IDH1: variants seen among roughly 807,000 people sequenced by gnomAD.
IDH1 encodes the protein isocitrate dehydrogenase (NADP(+)) 1.
Under a neutral mutation model 46.1 loss-of-function variants are expected in IDH1, and 33 were observed. That is an observed-to-expected ratio of 0.72 (90% CI 0.54 to 0.96). The LOEUF is 0.96. Among genes scored for constraint, IDH1 ranks in the 40% least tolerant of loss-of-function variants. The pLI is 0.00. For missense variants in IDH1, 421 were observed against 515.7 expected (o/e 0.82, Z 1.78); for synonymous variants, 144 against 172.8 (o/e 0.83, Z 1.31).
intron 6 of IDH1, among the ~76,000 whole-genome samples, chr2:208,242,402 T>A (rs1467814674): frequency 6.6e-6 from 1 of 152,242 alleles, no homozygotes; most frequent in African/African-American, 2.4e-5. Flanking sequence ...AGTGAGACAG[T>A]AGAGTATCCC....
chr2:208,250,292 CT>C (rs1688098872), intron 3 of IDH1, among the ~76,000 whole-genome samples: 1 of 74,208 alleles, frequency 1.3e-5, no homozygotes, highest in South Asian at 8.8e-4. Context: ...ACAGGAGTTC[CT>C]AAGATGCTTT....
At chr2:208,254,234 C>T (rs902670400) in intron 1 of IDH1, 1 of 152,468 alleles carries the variant, frequency 6.6e-6, no homozygotes, top group African/African-American at 2.4e-5. Context: ...GGCCTGCACC[C>T]GTCCTTATGG....
chr2:208,244,188 A>G (rs751972360), intron 5 of IDH1, among the ~76,000 whole-genome samples: 13 of 152,130 alleles, frequency 8.5e-5, no homozygotes, highest in Non-Finnish European at 1.5e-4. Context: ...TTGCCATGTG[A>G]TACACCTATT....
At chr2:208,250,379 C>CATGATTTCTAT (rs1688100802) in intron 3 of IDH1, among the ~76,000 whole-genome samples, 1 of 151,360 alleles carries the variant, frequency 6.6e-6, no homozygotes, top group Admixed American at 6.6e-5. Context: ...GTATTTATAT[C>CATGATTTCTAT]TTATCATGAT....
At chr2:208,246,612 C>T (rs1268813617) in intron 4 of IDH1, among the ~76,000 whole-genome samples, 1 of 128,508 alleles carries the variant, frequency 7.8e-6, no homozygotes, top group Non-Finnish European at 1.6e-5. Flanking sequence ...GCCATTTTTA[C>T]AAATGACTGA....
chr2:208,240,966 C>G (rs1326096892), intron 7 of IDH1, among the ~76,000 whole-genome samples: 1 of 152,098 alleles, frequency 6.6e-6, no homozygotes, highest in Non-Finnish European at 1.5e-5. Context: ...TGATAAGAGA[C>G]AGAAAAAGTA....
At chr2:208,248,700 A>G in intron 3 of IDH1, 40 bp from the exon 4 acceptor site, 5 of 1,566,094 alleles carry the variant, frequency 3.2e-6, no homozygotes, top group African/African-American at 1.3e-5. Flanking sequence ...TTTCAGACAA[A>G]TGGATAGTTA....
rs1422940570 is a variant in IDH1, at chr2:208,251,402, T to G, written c.122+28A>C. Reference sequence around the variant, plus strand: ...CCCAGCCAGATTATCCTTTCTGAGTTTGCTACACGGAGGGGTAACTCATTT... The same window carrying G: ...CCCAGCCAGATTATCCTTTCTGAGTGTGCTACACGGAGGGGTAACTCATTT... On this transcript the variant is annotated intron_variant, in intron 3 of 9. Coordinates refer to ENST00000345146, the MANE Select transcript of IDH1 (RefSeq NM_005896.4). 3 of 1,611,436 alleles carry G rather than the reference T, an allele frequency of 1.9e-6. No homozygotes were observed. The South Asian group carries it at 3.3e-5, about 18-fold the overall frequency.
At chr2:208,240,997 A>G (rs1056887993) in intron 7 of IDH1, among the ~76,000 whole-genome samples, 2 of 152,226 alleles carry the variant, frequency 1.3e-5, no homozygotes, top group Non-Finnish European at 2.9e-5. Context: ...GGAAAAACAA[A>G]CATAATTAAA....
Position 208,243,544 on chromosome 2 carries a change from T to C in IDH1, c.581A>G (p.His194Arg). 6.2e-7 allele frequency: 1 copy of C among 1,614,026 alleles called. No homozygotes were observed. Among genetic ancestry groups the C allele is most frequent in the Non-Finnish European group, 8.5e-7 (1 of 1,179,872 alleles). ...NQDKSIEDFA[H>R]SSFQMALSKG... Reference sequence around the variant, plus strand: ...AGACAGAGCCATTTGGAAGGAACTGTGTGCAAAATCTTCAATTGACTTATC... The same window carrying C: ...AGACAGAGCCATTTGGAAGGAACTGCGTGCAAAATCTTCAATTGACTTATC... The change falls in exon 6 of 10, where the codon CAC (histidine) becomes CGC (arginine). Residue 194 changes from histidine (H) to arginine (R), a missense_variant. His to Arg is a conservative substitution (Grantham distance 29, BLOSUM62 0). Transcript: ENST00000345146.
In IDH1 at chr2:208,245,338, G is replaced by C. The variant is rs747384833; in HGVS notation, c.501C>G (p.Tyr167Ter). 1.3e-6 allele frequency: 2 copies of C among 1,593,422 alleles called. No individual in the cohort carries two copies. The highest frequency in any genetic ancestry group is 3.3e-5 in the Admixed American group (2 of 59,976). Residue 167 changes from tyrosine to a stop codon, truncating the protein, a stop_gained, in exon 5 of 10, where the codon TAC becomes TAG. Coordinates refer to ENST00000345146, the MANE Select transcript of IDH1 (RefSeq NM_005896.4). LOFTEE classifies it high-confidence loss of function. The part of the protein sequence containing the change: ...TPSDGTQKVT[Y>*]LVHNFEEGGG... ...ACATACCTTCAAAGTTATGTACCAG[G>C]TATGTCACCTTTTGGGTTCCGTCAC...
intron 2 of IDH1, among the ~76,000 whole-genome samples, chr2:208,253,084 T>A (rs920927359): frequency 2.0e-5 from 3 of 152,222 alleles, no homozygotes; most frequent in African/African-American, 7.2e-5. Flanking sequence ...TCCATGGCCA[T>A]GTCCCTATAT....
chr2:208,252,616 T>C (rs1264212564), intron 2 of IDH1, among the ~76,000 whole-genome samples: 1 of 152,226 alleles, frequency 6.6e-6, no homozygotes, highest in Non-Finnish European at 1.5e-5. Flanking sequence ...GCTTTTATTC[T>C]CTTAAGGACT....
chr2:208,253,126 T>G (rs924355176), intron 2 of IDH1, among the ~76,000 whole-genome samples: 1 of 152,250 alleles, frequency 6.6e-6, no homozygotes, highest in African/African-American at 2.4e-5. Context: ...CATGGCAATT[T>G]ATTCTTGATG....
intron 5 of IDH1, among the ~76,000 whole-genome samples, chr2:208,244,803 G>A (rs1687985442): frequency 1.3e-5 from 2 of 152,138 alleles, no homozygotes; most frequent in Non-Finnish European, 2.9e-5. Context: ...ACAACTTTTG[G>A]GTGGGATTTG....
rs533101765 is a variant in IDH1, at chr2:208,242,147, TG to T, written c.699-3del. ...GCTTCAAACTGGGACTTGTACTGCC[TG>T]GGAAACAAAAGGTAAAAGAGAATAA... On this transcript the variant is annotated splice_polypyrimidine_tract_variant and splice_region_variant and intron_variant, in intron 6 of 9. Coordinates refer to ENST00000345146, the MANE Select transcript of IDH1 (RefSeq NM_005896.4). The T allele has an allele frequency of 1.2e-3, 1,974 of 1,613,606 alleles. 3 individuals are homozygous for T. Among genetic ancestry groups the T allele is most frequent in the Non-Finnish European group, 1.5e-3 (1,757 of 1,179,658 alleles).
rs1688188794 is a variant in IDH1, at chr2:208,255,021, C to G, written c.-173G>C. 6.6e-6 allele frequency: 1 copy of G among 152,386 alleles called. No homozygotes were observed. Among genetic ancestry groups the G allele is most frequent in the Non-Finnish European group, 1.5e-5 (1 of 68,216 alleles). The allele number at this position is 152,386 out of a possible 1,614,324, so 9.4% of individuals were successfully genotyped here. ...ACTCACAACCACAGCCTGGCAATCC[C>G]AAACCGGACTCCCAGTGCCTCCGCT... On this transcript the variant is annotated 5_prime_UTR_variant, in exon 1 of 10. Coordinates refer to ENST00000345146, the MANE Select transcript of IDH1 (RefSeq NM_005896.4).
Position 208,242,155 on chromosome 2 carries a change from A to T in IDH1, c.699-10T>A. 1 of 1,612,748 alleles carries T rather than the reference A, an allele frequency of 6.2e-7. No homozygotes were observed. Among genetic ancestry groups the T allele is most frequent in the Non-Finnish European group, 8.5e-7 (1 of 1,178,896 alleles). On this transcript the variant is annotated splice_polypyrimidine_tract_variant and intron_variant, in intron 6 of 9. Coordinates refer to ENST00000345146, the MANE Select transcript of IDH1 (RefSeq NM_005896.4). ...CTGGGACTTGTACTGCCTGGGAAACAAAAGGTAAAAGAGAATAATAATAAA... is the reference window on the plus strand; with the variant it reads ...CTGGGACTTGTACTGCCTGGGAAACTAAAGGTAAAAGAGAATAATAATAAA...
At chr2:208,251,629 AC>A in intron 2 of IDH1, 62 bp from the exon 3 acceptor site, 3 of 1,379,542 alleles carry the variant, frequency 2.2e-6, no homozygotes, top group Non-Finnish European at 3.1e-6. Flanking sequence ...AAATATATAA[AC>A]AACGTAGTGT....
Sources: allele counts gnomAD v4.1 joint callset (sites outside exome capture counted in the v4.1 genomes callset), GRCh38; gene constraint gnomAD v4.1.1; transcripts MANE v1.5; gene names NCBI Gene and HGNC (gene_info 2026-07-23, HGNC 2026-07-21).